The following HMX1 variants were observed in gnomAD, a reference collection of about 807,000 sequenced individuals.
The protein encoded by HMX1 is H6 family homeobox 1, also known as homeobox protein HMX1.
HMX1 carries 8 observed loss-of-function variants against 8.9 expected under a neutral mutation model. That is an observed-to-expected ratio of 0.90 (90% CI 0.53 to 1.63). The LOEUF (loss-of-function observed/expected upper bound fraction) is 1.63. Among genes scored for constraint, HMX1 ranks in the 40% most tolerant of loss-of-function variants. HMX1 has a pLI of 0.00. For missense variants in HMX1, 621 were observed against 558.5 expected (o/e 1.11, Z -1.13); for synonymous variants, 311 against 283.4 (o/e 1.10, Z -0.98).
chr4:8,866,580 CAG>C (rs1158331860), downstream of HMX1, among the ~76,000 whole-genome samples: 1 of 152,218 alleles, frequency 6.6e-6, no homozygotes, highest in Admixed American at 6.5e-5. Flanking sequence ...GACCAGAGAC[CAG>C]AGACTGCAGG....
chr4:8,871,073 T>TG lies in HMX1; in HGVS notation c.394+147dup. Reference sequence around the variant, plus strand: ...CCAAACCAGCCCAACCAGGGGCTCCTGGGGGCCCCACAAGGCCCAGACGCC... The same window carrying TG: ...CCAAACCAGCCCAACCAGGGGCTCCTGGGGGGCCCCACAAGGCCCAGACGCC... On this transcript the variant is annotated intron_variant, in intron 1 of 1. Coordinates refer to ENST00000400677, the MANE Select transcript of HMX1 (RefSeq NM_018942.3). The surrounding 1 kb of genome is among the most constrained non-coding windows in gnomAD (Gnocchi z 4.8). 2 of 792,204 alleles carry TG rather than the reference T, an allele frequency of 2.5e-6. No individual in the cohort carries two copies. Among genetic ancestry groups the TG allele is most frequent in the Admixed American group, 1.8e-4 (2 of 11,254 alleles). 49.1% of individuals were successfully genotyped at this position (792,204 alleles called of 1,614,324 possible).
At chr4:8,856,220 G>A (rs1462118609) in intron 1 of HMX1, among the ~76,000 whole-genome samples, 1 of 152,170 alleles carries the variant, frequency 6.6e-6, no homozygotes, top group Non-Finnish European at 1.5e-5. Flanking sequence ...ACAAGACATA[G>A]ACAGTTGATA....
intron 1 of HMX1, among the ~76,000 whole-genome samples, chr4:8,860,291 G>C (rs1328906448): frequency 1.3e-5 from 2 of 152,248 alleles, no homozygotes; most frequent in Non-Finnish European, 2.9e-5. Flanking sequence ...AGGCTGAGGG[G>C]ACCGGCCCGT....
At chr4:8,864,051 A>C (rs1721915549), downstream of HMX1, among the ~76,000 whole-genome samples, 2 of 152,114 alleles carry the variant, frequency 1.3e-5, no homozygotes. Flanking sequence ...TCCAGTGGGG[A>C]TTCAGCTTTT....
At chr4:8,860,450 G>A (rs1003552851) in intron 1 of HMX1, among the ~76,000 whole-genome samples, 1 of 152,242 alleles carries the variant, frequency 6.6e-6, no homozygotes, top group Non-Finnish European at 1.5e-5. Flanking sequence ...CTCCGCAGAT[G>A]GGCAAGACGG....
intron 1 of HMX1, among the ~76,000 whole-genome samples, chr4:8,861,465 AG>A (rs1053568772): frequency 2.6e-5 from 4 of 152,122 alleles, no homozygotes; most frequent in Non-Finnish European, 4.4e-5. Context: ...CGCTCGGGAA[AG>A]GGGGGTAGGG....
In HMX1 at chr4:8,867,830, A is replaced by T. The variant is rs1385083256; in HGVS notation, c.910T>A (p.Phe304Ile). The change falls in exon 2 of 2, where the codon TTC becomes ATC. Residue 304 changes from phenylalanine (F) to isoleucine (I), a missense_variant. Physicochemically the swap from Phe to Ile is conservative, Grantham distance 21. Transcript: ENST00000400677. ...GCGGGCGCGGCGGGCGCCAGCGGGA[A>T]GGGCAGGGTGGCCGGGGGCCCAGCG... Reference protein sequence around the residue: ...AAAGPPATLPFPLAPAAPAPP... With the variant: ...AAAGPPATLPIPLAPAAPAPP... 2.7e-5 allele frequency: 33 copies of T among 1,223,018 alleles called. No homozygotes were observed. Among genetic ancestry groups the T allele is most frequent in the Admixed American group, 8.7e-5 (2 of 23,062 alleles). The allele number at this position is 1,223,018 out of a possible 1,614,324, so 75.8% of individuals were successfully genotyped here. A position where few individuals can be genotyped will look rare whatever the true frequency, so the allele number is the denominator to read the frequency against.
chr4:8,868,028 C>G lies in HMX1; in HGVS notation c.712G>C (p.Ala238Pro). 6.5e-7 allele frequency: 1 copy of G among 1,536,836 alleles called. No homozygotes were observed. The highest frequency in any genetic ancestry group is 1.2e-5 in the South Asian group (1 of 82,734). ...LSSAERAGLA[A>P]SLQLTETQVK... ...TGCGTCTCGGTGAGCTGCAGGGAGGCGGCCAGGCCGGCGCGCTCGGCGCTG... is the reference window on the plus strand; with the variant it reads ...TGCGTCTCGGTGAGCTGCAGGGAGGGGGCCAGGCCGGCGCGCTCGGCGCTG... The change falls in exon 2 of 2, where the codon GCC becomes CCC. Residue 238 changes from alanine (A) to proline (P), a missense_variant. Physicochemically the swap from Ala to Pro is conservative, Grantham distance 27 (BLOSUM62 -1). Coordinates refer to ENST00000400677, the MANE Select transcript of HMX1 (RefSeq NM_018942.3). The surrounding 1 kb of genome is among the most constrained non-coding windows in gnomAD (Gnocchi z 4.6).
rs1021684786 is a variant in HMX1 at position 8,849,135 on chromosome 4, G to A, written c.395-2811C>T. ...TCTGTGAAACGGGGGTATGAAGTGT[G>A]GGATGAAGCCTTTTCATGAGGTTGT... On this transcript the variant is annotated intron_variant, in intron 1 of 1. Coordinates refer to the HMX1 transcript ENST00000506970. This position sits in a 1 kb window ranked among gnomAD's most constrained non-coding sequence, Gnocchi z 6.6. Among the ~76,000 whole-genome samples the A allele has an allele frequency of 6.6e-6, 1 of 152,104 alleles. No homozygotes were observed. The highest frequency in any genetic ancestry group is 2.4e-5 in the African/African-American group (1 of 41,440).
At position 8,861,070 on chromosome 4, in the gene HMX1, C is replaced by T. The variant is rs567001868; in HGVS notation, c.394+10151G>A. ...CGGGCGGCCGGAGACGGTGAAGAGG[C>T]GGGGCCGAGTCGCGTCCGCGGGGTC... On this transcript the variant is annotated intron_variant, in intron 1 of 1. Transcript: ENST00000506970. Among the ~76,000 whole-genome samples, 145 of 151,998 alleles carry T rather than the reference C, an allele frequency of 9.5e-4. 1 individual carries two copies. Among genetic ancestry groups the T allele is most frequent in the African/African-American group, 3.0e-3 (126 of 41,470 alleles).
In HMX1 at chr4:8,870,577, G is replaced by C. The variant is rs1375582101; in HGVS notation, c.394+644C>G. 2.6e-5 allele frequency among the ~76,000 whole-genome samples: 4 copies of C among 152,092 alleles called. No individual in the cohort carries two copies. The highest frequency in any genetic ancestry group is 4.4e-5 in the Non-Finnish European group (3 of 67,986). ...AGGGAGACCCAGGCCCCTGCCCCAGGCTGTCTGCAGCGGGCACAGAGGAAA... is the reference window on the plus strand; with the variant it reads ...AGGGAGACCCAGGCCCCTGCCCCAGCCTGTCTGCAGCGGGCACAGAGGAAA... On this transcript the variant is annotated intron_variant, in intron 1 of 1. Coordinates refer to ENST00000400677, the MANE Select transcript of HMX1 (RefSeq NM_018942.3). This position sits in a 1 kb window ranked among gnomAD's most constrained non-coding sequence, Gnocchi z 4.4.
intron 1 of HMX1, among the ~76,000 whole-genome samples, chr4:8,861,860 T>A (rs1205850413): frequency 1.3e-5 from 2 of 152,216 alleles, no homozygotes; most frequent in Non-Finnish European, 2.9e-5. Flanking sequence ...GTCAAGGAAG[T>A]GCCCGGAAAC....
rs1202809808 is a variant in HMX1 at position 8,871,656 on chromosome 4, C to G, written c.-42G>C. 8.4e-6 allele frequency: 10 copies of G among 1,186,330 alleles called. No homozygotes were observed. In the African/African-American group the frequency reaches 1.6e-4, roughly 19 times the overall value. 73.5% of individuals were successfully genotyped at this position (1,186,330 alleles called of 1,614,324 possible). A position where few individuals can be genotyped will look rare whatever the true frequency, so the allele number is the denominator to read the frequency against. ...TCGGGCTCGGCCGGGCTCCTCGGTC[C>G]CCGCTGGGGATGGTGGCGCGCGGCT... On this transcript the variant is annotated 5_prime_UTR_variant, in exon 1 of 2. Transcript: ENST00000400677. The surrounding 1 kb of genome is among the most constrained non-coding windows in gnomAD (Gnocchi z 4.8).
In HMX1 at chr4:8,847,146, A is replaced by G. The variant is rs1347358067; in HGVS notation, c.395-822T>C. 6.6e-6 allele frequency among the ~76,000 whole-genome samples: 1 copy of G among 152,200 alleles called. No homozygotes were observed. Among genetic ancestry groups the G allele is most frequent in the Non-Finnish European group, 1.5e-5 (1 of 68,038 alleles). ...TAAGAAAGTCTACAAATAAAAGTAC[A>G]AAGCCATTGAGCCGGGCGTGGTGAG... On this transcript the variant is annotated intron_variant, in intron 1 of 1. Coordinates refer to the HMX1 transcript ENST00000506970. The surrounding 1 kb of genome is among the most constrained non-coding windows in gnomAD (Gnocchi z 6.0).
intron 1 of HMX1, among the ~76,000 whole-genome samples, chr4:8,854,534 T>C (rs1267825304): frequency 6.6e-6 from 1 of 152,260 alleles, no homozygotes; most frequent in East Asian, 1.9e-4. Flanking sequence ...ACACAAACTC[T>C]GCCTGGGCTG....
rs536607132 is a variant in HMX1 at position 8,868,744 on chromosome 4, G to A, written c.395-399C>T. On this transcript the variant is annotated intron_variant, in intron 1 of 1. Coordinates refer to ENST00000400677, the MANE Select transcript of HMX1 (RefSeq NM_018942.3). The surrounding 1 kb of genome is among the most constrained non-coding windows in gnomAD (Gnocchi z 4.6). ...GCCCGGAAAAACACACAAACCTCCC[G>A]CAGAAGTCCCGGGACAAGAGGAAAG... Among the ~76,000 whole-genome samples, 7 of 152,204 alleles carry A rather than the reference G, an allele frequency of 4.6e-5. No individual in the cohort carries two copies. The East Asian group carries it at 7.7e-4, about 17-fold the overall frequency.
In HMX1 at chr4:8,870,135, T is replaced by G. The variant is rs561476375; in HGVS notation, c.394+1086A>C. 9.0e-4 allele frequency among the ~76,000 whole-genome samples: 137 copies of G among 152,070 alleles called. No homozygotes were observed. The highest frequency in any genetic ancestry group is 3.2e-3 in the African/African-American group (134 of 41,470). Reference sequence around the variant, plus strand: ...ACTTACTCCCCAGCACACACTAATATTCATACAGAGGACAGCATGGATCCC... The same window carrying G: ...ACTTACTCCCCAGCACACACTAATAGTCATACAGAGGACAGCATGGATCCC... On this transcript the variant is annotated intron_variant, in intron 1 of 1. Transcript: ENST00000400677. This position sits in a 1 kb window ranked among gnomAD's most constrained non-coding sequence, Gnocchi z 4.4.
At chr4:8,862,232 G>GA (rs986856312), downstream of HMX1, among the ~76,000 whole-genome samples, 3 of 152,354 alleles carry the variant, frequency 2.0e-5, no homozygotes, top group Admixed American at 6.5e-5. Context: ...TAGCTAAGTA[G>GA]AAAAAAATTT....
At chr4:8,855,002 G>A (rs1577193592) in intron 1 of HMX1, among the ~76,000 whole-genome samples, 1 of 152,208 alleles carries the variant, frequency 6.6e-6, no homozygotes, top group South Asian at 2.1e-4. Flanking sequence ...AAACACACGT[G>A]TCCTGCTAAG....
Sources: gnomAD v4.1 joint callset for allele counts (sites outside exome capture counted in the v4.1 genomes callset) on GRCh38, gnomAD v4.1.1 for gene constraint, Gnocchi (gnomAD v3.1) non-coding constraint, MANE v1.5 for transcripts, NCBI Gene and HGNC (gene_info 2026-07-23, HGNC 2026-07-21) for gene names.